Variants in TACC1 observed in about 807,000 individuals in gnomAD.
The protein encoded by TACC1 is transforming acidic coiled-coil-containing protein 1.
A neutral mutation model predicts 84.4 loss-of-function variants in TACC1; 48 were observed. The observed-to-expected ratio is 0.57, with a 90% CI of 0.45 to 0.72. The LOEUF (loss-of-function observed/expected upper bound fraction) is 0.72, where lower values mean the gene tolerates loss of function less well. Among genes scored for constraint, TACC1 ranks in the 30% least tolerant of loss-of-function variants. The pLI is 0.00. For missense variants in TACC1, 920 were observed against 973.0 expected (o/e 0.95, Z 0.72); for synonymous variants, 372 against 376.3 (o/e 0.99, Z 0.13).
intron 3 of TACC1, chr8:38,823,901 C>T (rs947164271): frequency 4.3e-6 from 4 of 935,820 alleles, no homozygotes; most frequent in Non-Finnish European, 6.2e-6. Flanking sequence ...TTACATCTGC[C>T]AGACTAGAGT....
At chr8:38,838,378 T>G (rs1187006496) in intron 7 of TACC1, 92 bp from the exon 8 acceptor site, 1 of 823,114 alleles carries the variant, frequency 1.2e-6, no homozygotes, top group Non-Finnish European at 2.0e-6. Context: ...ATTGAACATC[T>G]TGGGTTAGAC....
At position 38,787,660 on chromosome 8, in the gene TACC1, C is replaced by T; in HGVS notation, c.78C>T (p.Ala26=). ...CGTGGTCTGCGGTACGCGGCGGGGC[C>T]GCCGGCGAGGACGAGGCTGGCGGGC... ...KWTWSAVRGG[A]AGEDEAGGPE... The change falls in exon 1 of 13, where the codon GCC becomes GCT. Residue 26 remains alanine (A), a synonymous_variant. Transcript: ENST00000317827. 1.3e-6 allele frequency: 2 copies of T among 1,549,308 alleles called. No homozygotes were observed. The highest frequency in any genetic ancestry group is 1.2e-5 in the South Asian group (1 of 84,610).
intron 1 of TACC1, among the ~76,000 whole-genome samples, chr8:38,739,124 C>T (rs1021171628): frequency 3.9e-5 from 6 of 152,192 alleles, no homozygotes; most frequent in South Asian, 2.1e-4. Flanking sequence ...CTCCTGACCT[C>T]GTGATCTGCC....
At chr8:38,738,264 T>G (rs1389807875) in intron 1 of TACC1, among the ~76,000 whole-genome samples, 1 of 151,204 alleles carries the variant, frequency 6.6e-6, no homozygotes, top group Non-Finnish European at 1.5e-5. Context: ...AAAAAATTAG[T>G]CGGGCGTGGT....
At chr8:38,842,861 A>T (rs1033390520) in intron 10 of TACC1, among the ~76,000 whole-genome samples, 8 of 152,268 alleles carry the variant, frequency 5.3e-5, no homozygotes, top group African/African-American at 1.7e-4. Flanking sequence ...TCTAGAAGAC[A>T]TTAGTATAAT....
At chr8:38,840,942 G>T (rs951690857) in intron 9 of TACC1, among the ~76,000 whole-genome samples, 1 of 152,100 alleles carries the variant, frequency 6.6e-6, no homozygotes, top group Non-Finnish European at 1.5e-5. Flanking sequence ...CCAGCTACTC[G>T]GGAGGCTGAG....
At chr8:38,806,426 G>C (rs1822720160) in intron 2 of TACC1, among the ~76,000 whole-genome samples, 1 of 151,938 alleles carries the variant, frequency 6.6e-6, no homozygotes, top group Non-Finnish European at 1.5e-5. Context: ...GGGCTCTCTA[G>C]CATGATTGAG....
chr8:38,786,753 A>C (rs1402946308), upstream of TACC1, among the ~76,000 whole-genome samples: 1 of 151,904 alleles, frequency 6.6e-6, no homozygotes, highest in Non-Finnish European at 1.5e-5. Context: ...GATGGAGATG[A>C]ACAGGCTGAA....
At chr8:38,843,049 G>T (rs1324823949) in intron 10 of TACC1, among the ~76,000 whole-genome samples, 1 of 152,176 alleles carries the variant, frequency 6.6e-6, no homozygotes, top group African/African-American at 2.4e-5. Context: ...CCTTCCTAAA[G>T]TAGGCATATT....
rs752769194 is a variant in TACC1, at chr8:38,825,380, C to T, written c.1452+12C>T. 4.3e-6 allele frequency: 7 copies of T among 1,613,948 alleles called. No individual in the cohort carries two copies. Among genetic ancestry groups the T allele is most frequent in the Non-Finnish European group, 5.9e-6 (7 of 1,179,866 alleles). On this transcript the variant is annotated intron_variant, in intron 4 of 12. Transcript: ENST00000317827. ...ATGCATGTTCTCGGGTGAGTCTGTG[C>T]CCATCTCCAGAATGTCTCTGAGACC...
chr8:38,757,689 C>A (rs931668706), intron 3 of TACC1, among the ~76,000 whole-genome samples: 5 of 151,996 alleles, frequency 3.3e-5, no homozygotes, highest in African/African-American at 1.2e-4. Flanking sequence ...GACAAGGGGA[C>A]CCCGGCCTCG....
chr8:38,815,358 A>G (rs1215143796), intron 2 of TACC1, among the ~76,000 whole-genome samples: 1 of 152,232 alleles, frequency 6.6e-6, no homozygotes, highest in Non-Finnish European at 1.5e-5. Context: ...ATCTTAAGGC[A>G]GTGGAACCTT....
At chr8:38,832,976 G>C (rs573384932) in intron 6 of TACC1, among the ~76,000 whole-genome samples, 80 of 152,316 alleles carry the variant, frequency 5.3e-4, no homozygotes, top group African/African-American at 1.8e-3. Flanking sequence ...CCTCAATTGT[G>C]AATGTTTTGA....
At chr8:38,731,491 T>G (rs1804910927) in intron 1 of TACC1, among the ~76,000 whole-genome samples, 1 of 152,176 alleles carries the variant, frequency 6.6e-6, no homozygotes, top group Non-Finnish European at 1.5e-5. Flanking sequence ...TGATAAACAC[T>G]CAATAAATAT....
At chr8:38,782,110 G>A (rs531375333) in intron 3 of TACC1, among the ~76,000 whole-genome samples, 2 of 150,944 alleles carry the variant, frequency 1.3e-5, no homozygotes, top group African/African-American at 2.4e-5. Flanking sequence ...ATGCTGGTGC[G>A]CTGCACCCAC....
intron 2 of TACC1, among the ~76,000 whole-genome samples, chr8:38,802,894 C>T (rs567505935): frequency 7.9e-5 from 12 of 152,200 alleles, no homozygotes; most frequent in South Asian, 2.1e-4. Context: ...GATCCACCCC[C>T]GTGACCCAGA....
chr8:38,789,341 C>T (rs1818099404), intron 2 of TACC1, among the ~76,000 whole-genome samples: 1 of 152,206 alleles, frequency 6.6e-6, no homozygotes, highest in Non-Finnish European at 1.5e-5. Flanking sequence ...CAGAGCCCAG[C>T]CCTTCATCTG....
intron 12 of TACC1, 146 bp downstream of exon 12, chr8:38,846,965 G>A (rs1832435523): frequency 2.1e-6 from 2 of 947,132 alleles, no homozygotes; most frequent in Non-Finnish European, 1.5e-6. Flanking sequence ...AACTGATCCA[G>A]GTGGAAACAA....
At chr8:38,783,185 G>A (rs1314597348), upstream of TACC1, among the ~76,000 whole-genome samples, 2 of 150,588 alleles carry the variant, frequency 1.3e-5, no homozygotes, top group Non-Finnish European at 2.9e-5. Context: ...CTGTGTGGCA[G>A]TTCTGCTATA....
Sources: allele counts gnomAD v4.1 joint callset (sites outside exome capture counted in the v4.1 genomes callset), GRCh38; gene constraint gnomAD v4.1.1; transcripts MANE v1.5; gene names NCBI Gene and HGNC (gene_info 2026-07-23, HGNC 2026-07-21).